The following CNTN4 variants were observed in gnomAD, a reference collection of about 807,000 sequenced individuals.
The protein encoded by CNTN4 is contactin 4.
In CNTN4, 77 loss-of-function variants were observed where a neutral mutation model predicts 122.5. That is an observed-to-expected ratio of 0.63 (90% CI 0.52 to 0.76). The LOEUF (loss-of-function observed/expected upper bound fraction) is 0.76. Among genes scored for constraint, CNTN4 ranks in the 30% least tolerant of loss-of-function variants. The pLI is 0.00. For synonymous variants in CNTN4, 512 were observed against 447.0 expected (o/e 1.15, Z -1.83); for missense variants, 1,256 against 1,259.1 (o/e 1.00, Z 0.04).
At chr3:2,223,935 G>T (rs931277448) in intron 2 of CNTN4, among the ~76,000 whole-genome samples, 30 of 152,114 alleles carry the variant, frequency 2.0e-4, no homozygotes, top group Non-Finnish European at 1.0e-4. Flanking sequence ...TTACACAAAG[G>T]GATAGGAATT....
intron 6 of CNTN4, among the ~76,000 whole-genome samples, chr3:2,765,467 GA>G (rs530212958): frequency 2.8e-4 from 42 of 152,340 alleles, no homozygotes; most frequent in African/African-American, 9.9e-4. Context: ...AAACATATGT[GA>G]AGTACCTGGT....
intron 16 of CNTN4, among the ~76,000 whole-genome samples, chr3:3,032,802 G>T (rs1699285965): frequency 6.6e-6 from 1 of 152,176 alleles, no homozygotes; most frequent in Admixed American, 6.5e-5. Context: ...GCCCCTGAGT[G>T]TGTTATCATT....
At chr3:2,499,916 TTTAG>T (rs1465035652) in intron 3 of CNTN4, among the ~76,000 whole-genome samples, 2 of 152,146 alleles carry the variant, frequency 1.3e-5, no homozygotes, top group Non-Finnish European at 2.9e-5. Context: ...TCCATTGTCA[TTTAG>T]TTATTTTCAA....
intron 2 of CNTN4, among the ~76,000 whole-genome samples, chr3:2,225,160 CA>C (rs1553604629): frequency 2.7e-5 from 4 of 149,136 alleles, no homozygotes; most frequent in South Asian, 4.3e-4. Context: ...CCACCACCCC[CA>C]AAAAAAAAGA....
Position 2,369,668 on chromosome 3 carries a change from C to T in CNTN4, c.-89+30435C>T, listed in dbSNP as rs556064470. ...TTAGAAACCAGATGCTTCCTTCCTC[C>T]TGCTTGGAAATTGGAAATATATTTA... On this transcript the variant is annotated intron_variant, in intron 3 of 24. Coordinates refer to ENST00000418658, the MANE Select transcript of CNTN4 (RefSeq NM_175607.3). 2.0e-5 allele frequency among the ~76,000 whole-genome samples: 3 copies of T among 152,176 alleles called. No homozygotes were observed. In the South Asian group the frequency reaches 6.2e-4, roughly 32 times the overall value.
At chr3:2,798,381 C>CTATCTATCTATCTATCTATCTATCTATA (rs1367347201) in intron 6 of CNTN4, among the ~76,000 whole-genome samples, 14 of 150,544 alleles carry the variant, frequency 9.3e-5, no homozygotes, top group African/African-American at 3.4e-4. Flanking sequence ...ATCTATCTAT[C>CTATCTATCTATCTATCTATCTATCTATA]TATCTATCTA....
At position 2,507,392 on chromosome 3, in the gene CNTN4, T is replaced by C. The variant is rs76175750; in HGVS notation, c.-88-64024T>C. 8.7e-3 allele frequency among the ~76,000 whole-genome samples: 1,316 copies of C among 152,048 alleles called. 14 individuals carry two copies. Among genetic ancestry groups the C allele is most frequent in the African/African-American group, 0.03 (1,260 of 41,450 alleles). ...AATCAGAATCTTCTGAGGAAAAGGATTTTTGTTCTCTTCTTGGATGTTAAG... is the reference window on the plus strand; with the variant it reads ...AATCAGAATCTTCTGAGGAAAAGGACTTTTGTTCTCTTCTTGGATGTTAAG... On this transcript the variant is annotated intron_variant, in intron 3 of 24. Coordinates refer to ENST00000418658, the MANE Select transcript of CNTN4 (RefSeq NM_175607.3).
intron 2 of CNTN4, among the ~76,000 whole-genome samples, chr3:2,273,350 A>G (rs9824892): frequency 0.017 from 2,551 of 152,214 alleles, 72 homozygotes; most frequent in African/African-American, 0.059. Flanking sequence ...CTATCTAGTC[A>G]TTGTCCCAGT....
Position 2,628,202 on chromosome 3 carries a change from C to T in CNTN4, c.55+56644C>T, listed in dbSNP as rs17017499. Among the ~76,000 whole-genome samples, 1,483 of 152,264 alleles carry T rather than the reference C, an allele frequency of 9.7e-3. 15 individuals are homozygous for T. The highest frequency in any genetic ancestry group is 0.017 in the Non-Finnish European group (1,128 of 68,016). On this transcript the variant is annotated intron_variant, in intron 4 of 24. Transcript: ENST00000418658. ...CTCAGCATATTAAGACAGTTTTGAT[C>T]GGTACCCCTTTTAGCAGAAGTTATT...
chr3:2,376,371 A>T (rs577200609), intron 3 of CNTN4, among the ~76,000 whole-genome samples: 7 of 152,294 alleles, frequency 4.6e-5, no homozygotes, highest in African/African-American at 1.7e-4. Flanking sequence ...GGTGATGATG[A>T]TGGTGTTGAT....
At chr3:2,288,050 A>G (rs1291442007) in intron 2 of CNTN4, among the ~76,000 whole-genome samples, 1 of 152,230 alleles carries the variant, frequency 6.6e-6, no homozygotes, top group African/African-American at 2.4e-5. Flanking sequence ...GCGTTTCACA[A>G]TGCAGTGGGA....
intron 6 of CNTN4, among the ~76,000 whole-genome samples, chr3:2,803,875 G>A (rs773768887): frequency 6.6e-6 from 1 of 151,850 alleles, no homozygotes; most frequent in Non-Finnish European, 1.5e-5. Context: ...TTCTTATGAA[G>A]AACCGTTACC....
chr3:2,341,110 T>G (rs1157272990), intron 3 of CNTN4, among the ~76,000 whole-genome samples: 2 of 152,304 alleles, frequency 1.3e-5, no homozygotes, highest in South Asian at 2.1e-4. Context: ...TTGCTTTTAC[T>G]TACTCTGTTC....
chr3:2,100,059 G>C (rs58308835), intron 1 of CNTN4, among the ~76,000 whole-genome samples: 4,030 of 152,312 alleles, frequency 0.026, 112 homozygotes, highest in South Asian at 0.15. Context: ...GCCAGGGTCT[G>C]CAGATTCGGT....
intron 3 of CNTN4, among the ~76,000 whole-genome samples, chr3:2,464,356 A>G (rs2075422407): frequency 6.6e-6 from 1 of 152,186 alleles, no homozygotes; most frequent in African/African-American, 2.4e-5. Flanking sequence ...CGCATTAGGA[A>G]CTAGTCTTTT....
chr3:2,594,228 T>A (rs565188824), intron 4 of CNTN4, among the ~76,000 whole-genome samples: 8 of 8,202 alleles, frequency 9.8e-4, no homozygotes, highest in Admixed American at 2.7e-3. Context: ...TTGGAGAAAC[T>A]GGTTTTTTTT....
chr3:2,587,528 C>G lies in CNTN4; in HGVS notation c.55+15970C>G, dbSNP rs1247026986. On this transcript the variant is annotated intron_variant, in intron 4 of 24. Transcript: ENST00000418658. ...ATACCGTCTTTGGGAATGCTCTTCT[C>G]TCCAATGTTGTGATATTTACATGAA... Among the ~76,000 whole-genome samples the G allele has an allele frequency of 2.0e-5, 3 of 152,120 alleles. No individual in the cohort carries two copies. In the South Asian group the frequency reaches 6.2e-4, roughly 32 times the overall value.
chr3:2,767,857 C>T (rs2090932023), intron 6 of CNTN4, among the ~76,000 whole-genome samples: 2 of 152,238 alleles, frequency 1.3e-5, no homozygotes. Context: ...AAGCTTCTTA[C>T]ATAGCTCACC....
intron 2 of CNTN4, among the ~76,000 whole-genome samples, chr3:2,216,910 T>G (rs569562086): frequency 6.6e-6 from 1 of 152,282 alleles, no homozygotes; most frequent in African/African-American, 2.4e-5. Context: ...TCCACTACCC[T>G]TTAGCTCATT....
Sources: gnomAD v4.1 joint callset for allele counts (sites outside exome capture counted in the v4.1 genomes callset) on GRCh38, gnomAD v4.1.1 for gene constraint, MANE v1.5 for transcripts, NCBI Gene and HGNC (gene_info 2026-07-23, HGNC 2026-07-21) for gene names.